The following DOCK10 variants were observed in gnomAD, a reference collection of about 807,000 sequenced individuals.
The protein encoded by DOCK10 is dedicator of cytokinesis protein 10.
Under a neutral mutation model 280.1 loss-of-function variants are expected in DOCK10, and 145 were observed. That is an observed-to-expected ratio of 0.52 (90% CI 0.45 to 0.59). DOCK10 has a LOEUF of 0.59. Among genes scored for constraint, DOCK10 ranks in the 20% least tolerant of loss-of-function variants. The pLI, the probability that DOCK10 is intolerant of heterozygous loss-of-function variation, is 0.00. For missense variants in DOCK10, 2,368 were observed against 2,651.7 expected, an observed-to-expected ratio of 0.89 and a Z score of 2.35; for synonymous variants, 915 against 942.2, an observed-to-expected ratio of 0.97 and a Z score of 0.53.
rs1171847589 is a variant in DOCK10 at position 224,770,019 on chromosome 2, A to G, written c.6444+192T>C. Among the ~76,000 whole-genome samples, 1 of 152,156 alleles carries G rather than the reference A, an allele frequency of 6.6e-6. No individual in the cohort carries two copies. The highest frequency in any genetic ancestry group is 1.5e-5 in the Non-Finnish European group (1 of 68,002). The stretch of plus-strand genomic sequence containing the variant: ...CTAGGTTCTCATAATCTTTTTCTAC[A>G]GAGTTTCCCCCAGCCTGATCTCTGC... On this transcript the variant is annotated intron_variant, in intron 55 of 55. Coordinates refer to ENST00000258390, the MANE Select transcript of DOCK10 (RefSeq NM_014689.3). This position sits in a 1 kb window ranked among gnomAD's most constrained non-coding sequence, Gnocchi z 4.5.
chr2:224,949,111 A>T (rs1703589408), intron 1 of DOCK10, among the ~76,000 whole-genome samples: 1 of 152,176 alleles, frequency 6.6e-6, no homozygotes. Flanking sequence ...AGGAGGGGAA[A>T]ATCCAGAAGC....
At chr2:224,923,391 A>G (rs1701875549) in intron 2 of DOCK10, among the ~76,000 whole-genome samples, 1 of 152,216 alleles carries the variant, frequency 6.6e-6, no homozygotes, top group Non-Finnish European at 1.5e-5. Flanking sequence ...GCTCCAAAAC[A>G]TGTCTCATCT....
chr2:224,781,914 A>G (rs2125044830), intron 50 of DOCK10, among the ~76,000 whole-genome samples: 1 of 152,260 alleles, frequency 6.6e-6, no homozygotes, highest in African/African-American at 2.4e-5. Flanking sequence ...TGTGTTGTCA[A>G]ATATTAGGGC....
chr2:224,816,682 T>A lies in DOCK10; in HGVS notation c.3299A>T (p.Gln1100Leu). Residue 1100 changes from glutamine to leucine, a missense_variant, in exon 30 of 56, where the codon CAA (glutamine) becomes CTA (leucine). Gln to Leu is a moderately radical substitution (Grantham distance 113). Coordinates refer to ENST00000258390, the MANE Select transcript of DOCK10 (RefSeq NM_014689.3). The part of the protein sequence containing the change: ...TLCQYKFDFL[Q>L]EVCQHEHFIP... The stretch of plus-strand genomic sequence containing the variant: ...AAAGTGTTCATGTTGACATACTTCT[T>A]GAAGAAAATCAAATTTATACTGGCA... 6.2e-7 allele frequency: 1 copy of A among 1,607,036 alleles called. No individual in the cohort carries two copies. Among genetic ancestry groups the A allele is most frequent in the South Asian group, 1.1e-5 (1 of 89,554 alleles).
At chr2:225,022,983 C>T (rs1689822893) in intron 1 of DOCK10, among the ~76,000 whole-genome samples, 1 of 152,092 alleles carries the variant, frequency 6.6e-6, no homozygotes, top group South Asian at 2.1e-4. Flanking sequence ...AGGAGATGCT[C>T]ATGAAACTTT....
In DOCK10 at chr2:224,793,073, C is replaced by T. The variant is rs747951430; in HGVS notation, c.5213-1G>A. 58 of 1,602,994 alleles carry T rather than the reference C, an allele frequency of 3.6e-5. No homozygotes were observed. Among genetic ancestry groups the T allele is most frequent in the Non-Finnish European group, 3.6e-5 (42 of 1,170,854 alleles). ...CAAATCTTTTCCACTTTCCAGTAAC[C>T]TATGGTAGTGCAAGATGAGGTTAGG... On this transcript the variant is annotated splice_acceptor_variant, in intron 46 of 55. Coordinates refer to ENST00000258390, the MANE Select transcript of DOCK10 (RefSeq NM_014689.3). LOFTEE classifies it high-confidence loss of function.
At chr2:224,988,129 C>T (rs1333844267) in intron 1 of DOCK10, among the ~76,000 whole-genome samples, 2 of 152,176 alleles carry the variant, frequency 1.3e-5, no homozygotes, top group East Asian at 1.9e-4. Context: ...TCCCTCTCAG[C>T]TTCCAGGATC....
intron 1 of DOCK10, among the ~76,000 whole-genome samples, chr2:225,035,898 G>A (rs1248956178): frequency 6.6e-6 from 1 of 151,282 alleles, no homozygotes; most frequent in Non-Finnish European, 1.5e-5. Flanking sequence ...TTCTTTTAAA[G>A]CCACTAATCT....
At chr2:225,013,018 T>C (rs1247579172) in intron 1 of DOCK10, among the ~76,000 whole-genome samples, 1 of 152,224 alleles carries the variant, frequency 6.6e-6, no homozygotes, top group Non-Finnish European at 1.5e-5. Context: ...GCTTTGTTAT[T>C]TCCCTGTAAT....
At chr2:224,973,866 C>T (rs533561089) in intron 1 of DOCK10, among the ~76,000 whole-genome samples, 1 of 152,268 alleles carries the variant, frequency 6.6e-6, no homozygotes, top group South Asian at 2.1e-4. Context: ...GTTCCTCACC[C>T]ATGGCAATGC....
At chr2:225,035,582 ATATAT>A (rs1284858481) in intron 1 of DOCK10, among the ~76,000 whole-genome samples, 34 of 112,434 alleles carry the variant, frequency 3.0e-4, no homozygotes, top group Admixed American at 1.1e-3. Flanking sequence ...ATATATATAT[ATATAT>A]AACACTGAAT....
At chr2:224,891,807 G>C (rs1177173958) in intron 4 of DOCK10, among the ~76,000 whole-genome samples, 1 of 152,184 alleles carries the variant, frequency 6.6e-6, no homozygotes, top group Non-Finnish European at 1.5e-5. Flanking sequence ...TCTGGGGCTA[G>C]GGTTGTAGTG....
chr2:224,948,409 T>C (rs370946361), intron 1 of DOCK10, among the ~76,000 whole-genome samples: 2 of 152,388 alleles, frequency 1.3e-5, no homozygotes, highest in South Asian at 2.1e-4. Flanking sequence ...CATTGATCCC[T>C]GGTCATTTGA....
intron 1 of DOCK10, among the ~76,000 whole-genome samples, chr2:224,998,588 T>C (rs1706340864): frequency 6.6e-6 from 1 of 152,146 alleles, no homozygotes; most frequent in South Asian, 2.1e-4. Context: ...CTGCTATATA[T>C]AAAATAACTC....
At chr2:225,017,945 G>A (rs987911406) in intron 1 of DOCK10, among the ~76,000 whole-genome samples, 1 of 152,162 alleles carries the variant, frequency 6.6e-6, no homozygotes, top group Admixed American at 6.5e-5. Context: ...AGAGGCCACT[G>A]TCTGGTTGCC....
At chr2:224,853,603 C>G (rs1387422022) in intron 16 of DOCK10, among the ~76,000 whole-genome samples, 1 of 152,208 alleles carries the variant, frequency 6.6e-6, no homozygotes, top group African/African-American at 2.4e-5. Context: ...ATGGATTTCA[C>G]AGCATGGGCC....
Position 224,805,020 on chromosome 2 carries a change from C to T in DOCK10, c.4118+38G>A, listed in dbSNP as rs1384282508. ...GGTATAGTGGACTATTTAGAAATTT[C>T]CAGAAAAAAGTGTTAAGTCATCAAC... On this transcript the variant is annotated intron_variant, in intron 37 of 55. Transcript: ENST00000258390. The surrounding 1 kb of genome is among the most constrained non-coding windows in gnomAD (Gnocchi z 4.3). 28 of 1,545,084 alleles carry T rather than the reference C, an allele frequency of 1.8e-5. No individual in the cohort carries two copies. The highest frequency in any genetic ancestry group is 2.3e-5 in the Non-Finnish European group (26 of 1,143,788).
chr2:224,892,150 A>T (rs1173880105), intron 4 of DOCK10, among the ~76,000 whole-genome samples: 1 of 152,106 alleles, frequency 6.6e-6, no homozygotes, highest in East Asian at 1.9e-4. Context: ...TAATCCCAGC[A>T]CTTTGGGAGG....
chr2:224,833,191 T>C (rs1277520638), intron 26 of DOCK10, among the ~76,000 whole-genome samples: 1 of 152,128 alleles, frequency 6.6e-6, no homozygotes, highest in Non-Finnish European at 1.5e-5. Context: ...GTCAGCTTGG[T>C]TTAAAACATT....
Sources: allele counts gnomAD v4.1 joint callset (sites outside exome capture counted in the v4.1 genomes callset), GRCh38; gene constraint gnomAD v4.1.1; non-coding constraint Gnocchi (gnomAD v3.1); transcripts MANE v1.5; gene names NCBI Gene and HGNC (gene_info 2026-07-23, HGNC 2026-07-21).